OSBPL1A: variants seen among roughly 807,000 people sequenced by gnomAD.
The protein encoded by OSBPL1A is oxysterol-binding protein-related protein 1.
Under a neutral mutation model 137.1 loss-of-function variants are expected in OSBPL1A, and 80 were observed. The observed-to-expected ratio is 0.58, with a 90% CI of 0.49 to 0.70. The LOEUF is 0.70. Ranked by LOEUF, OSBPL1A falls within the 30% of genes least tolerant of loss-of-function variation. The pLI is 0.00. For missense variants in OSBPL1A, 970 were observed against 1,129.4 expected (o/e 0.86, Z 2.02); for synonymous variants, 365 against 389.7 (o/e 0.94, Z 0.75).
chr18:24,253,168 G>A (rs1360525099), intron 15 of OSBPL1A, among the ~76,000 whole-genome samples: 1 of 120,248 alleles, frequency 8.3e-6, no homozygotes, highest in Non-Finnish European at 1.8e-5. Context: ...AAGACATGGC[G>A]GGGGGGGGCG....
chr18:24,206,725 G>A (rs551681075), intron 17 of OSBPL1A, among the ~76,000 whole-genome samples: 18 of 152,274 alleles, frequency 1.2e-4, no homozygotes, highest in Admixed American at 3.9e-4. Flanking sequence ...CTCAAAGTCA[G>A]CCACGATGTC....
At chr18:24,164,046 C>G (rs1006799182) in intron 27 of OSBPL1A, among the ~76,000 whole-genome samples, 15 of 152,050 alleles carry the variant, frequency 9.9e-5, no homozygotes, top group African/African-American at 3.1e-4. Flanking sequence ...TCTTAAACTT[C>G]CATTTTACAG....
chr18:24,175,984 C>T (rs1387533456), intron 21 of OSBPL1A, among the ~76,000 whole-genome samples: 4 of 152,212 alleles, frequency 2.6e-5, no homozygotes, highest in African/African-American at 4.8e-5. Context: ...TTCCCTTCCC[C>T]GTCGCATTAA....
chr18:24,256,931 T>C (rs1016665482), intron 15 of OSBPL1A, among the ~76,000 whole-genome samples: 4 of 50,818 alleles, frequency 7.9e-5, no homozygotes, highest in African/African-American at 3.1e-4. Flanking sequence ...TGGTGAAAAC[T>C]ATAAAACGCT....
intron 13 of OSBPL1A, among the ~76,000 whole-genome samples, chr18:24,304,731 C>G (rs2090469299): frequency 1.3e-5 from 2 of 152,158 alleles, no homozygotes; most frequent in African/African-American, 4.8e-5. Flanking sequence ...GGTAAATACT[C>G]TTTTCTCCTA....
At chr18:24,167,806 C>T (rs1405261920) in intron 24 of OSBPL1A, among the ~76,000 whole-genome samples, 2 of 152,244 alleles carry the variant, frequency 1.3e-5, no homozygotes, top group Admixed American at 6.5e-5. Context: ...TAGGAAAATA[C>T]ATATACACTT....
Position 24,314,464 on chromosome 18 carries a change from TA to T in OSBPL1A, c.871-118del. On this transcript the variant is annotated intron_variant, in intron 11 of 27. Coordinates refer to ENST00000319481, the MANE Select transcript of OSBPL1A (RefSeq NM_080597.4). ...ACTTAACGATACCCAGTTGAACACT[TA>T]AGTATTGACAGATAAAAATTGGAAA... 13 of 618,802 alleles carry T rather than the reference TA, an allele frequency of 2.1e-5. No individual in the cohort carries two copies. The Middle Eastern group carries it at 4.7e-3, about 223-fold the overall frequency. The allele number at this position is 618,802 out of a possible 1,614,324, so 38.3% of individuals were successfully genotyped here. A position where few individuals can be genotyped will look rare whatever the true frequency, so the allele number is the denominator to read the frequency against.
Position 24,181,162 on chromosome 18 carries a change from G to C in OSBPL1A, c.1795C>G (p.Pro599Ala). Residue 599 changes from proline to alanine, a missense_variant, in exon 19 of 28, where the codon CCT (proline) becomes GCT (alanine). This residue lies in a region of OSBPL1A where 323 missense variants were observed against 456.8 expected (regional missense o/e 0.71). Coordinates refer to ENST00000319481, the MANE Select transcript of OSBPL1A (RefSeq NM_080597.4). ...LIHKASSLSD[P>A]VERMQCVAAF... ...GCTCATACCTGCATCCTTTCCACAG[G>C]ATCAGAGAGTGAACTGGCCTTGTGG... 6.2e-7 allele frequency: 1 copy of C among 1,613,970 alleles called. No individual in the cohort carries two copies. Among genetic ancestry groups the C allele is most frequent in the Non-Finnish European group, 8.5e-7 (1 of 1,179,956 alleles).
At chr18:24,229,243 C>T (rs2088190754) in intron 16 of OSBPL1A, among the ~76,000 whole-genome samples, 1 of 152,034 alleles carries the variant, frequency 6.6e-6, no homozygotes, top group Admixed American at 6.6e-5. Flanking sequence ...TAAAATGAAG[C>T]TAGGGATGAG....
chr18:24,314,194 G>A (rs921607141), intron 12 of OSBPL1A, 55 bp downstream of exon 12: 41 of 1,190,388 alleles, frequency 3.4e-5, no homozygotes, highest in African/African-American at 2.6e-4. Flanking sequence ...TATATTCTCC[G>A]TGTCTTTAAA....
At chr18:24,332,400 A>AAAAAAAAAAAAAAG (rs2091096775) in intron 7 of OSBPL1A, among the ~76,000 whole-genome samples, 1 of 106,542 alleles carries the variant, frequency 9.4e-6, no homozygotes, top group African/African-American at 2.8e-5. Context: ...AAAAAAAAAA[A>AAAAAAAAAAAAAAG]AAAAAAAAAA....
intron 7 of OSBPL1A, among the ~76,000 whole-genome samples, chr18:24,321,163 T>C (rs35883612): frequency 0.13 from 20,536 of 152,146 alleles, 1,458 homozygotes; most frequent in Middle Eastern, 0.16. Context: ...TGTTTTTTAA[T>C]AGCCCCATTG....
chr18:24,356,300 A>C (rs150689534), intron 4 of OSBPL1A, among the ~76,000 whole-genome samples: 202 of 152,378 alleles, frequency 1.3e-3, no homozygotes, highest in African/African-American at 4.6e-3. Flanking sequence ...ACACCAAAGC[A>C]AACATGAACT....
intron 16 of OSBPL1A, among the ~76,000 whole-genome samples, chr18:24,228,138 G>A (rs2088148637): frequency 6.6e-6 from 1 of 152,024 alleles, no homozygotes; most frequent in Admixed American, 6.5e-5. Context: ...GAACCCCTGC[G>A]TGGGACCACT....
intron 18 of OSBPL1A, among the ~76,000 whole-genome samples, chr18:24,187,577 G>T (rs1400930546): frequency 6.6e-6 from 1 of 152,150 alleles, no homozygotes; most frequent in Non-Finnish European, 1.5e-5. Flanking sequence ...AAGATGAGAT[G>T]AATTCATTCA....
chr18:24,169,510 T>C (rs975645565), intron 24 of OSBPL1A, among the ~76,000 whole-genome samples: 6 of 152,382 alleles, frequency 3.9e-5, no homozygotes, highest in African/African-American at 1.4e-4. Context: ...GAGCCCATTA[T>C]GTTTGTTAAC....
chr18:24,301,915 G>C (rs1355530627), intron 14 of OSBPL1A, among the ~76,000 whole-genome samples: 1 of 152,142 alleles, frequency 6.6e-6, no homozygotes, highest in African/African-American at 2.4e-5. Context: ...TTGACTAAAG[G>C]AAACTAACAT....
chr18:24,239,925 C>CT (rs10699940), intron 15 of OSBPL1A, among the ~76,000 whole-genome samples: 43,653 of 125,406 alleles, frequency 0.35, 8,704 homozygotes, highest in Middle Eastern at 0.48. Context: ...TCATTTTTCT[C>CT]TTTTTTTTTT....
chr18:24,286,020 C>G (rs2090060798), intron 14 of OSBPL1A, among the ~76,000 whole-genome samples: 1 of 152,070 alleles, frequency 6.6e-6, no homozygotes, highest in Non-Finnish European at 1.5e-5. Context: ...AGCCGGCCAT[C>G]ATGGCGTGTG....
Sources: allele counts gnomAD v4.1 joint callset (sites outside exome capture counted in the v4.1 genomes callset), GRCh38; gene constraint gnomAD v4.1.1; regional missense constraint gnomAD v4.1.1; transcripts MANE v1.5; gene names NCBI Gene and HGNC (gene_info 2026-07-23, HGNC 2026-07-21).